The following PIK3CB variants were observed in gnomAD, a reference collection of about 807,000 sequenced individuals.
PIK3CB encodes phosphatidylinositol 4,5-bisphosphate 3-kinase catalytic subunit beta isoform.
A neutral mutation model predicts 136.8 loss-of-function variants in PIK3CB; 39 were observed. The observed-to-expected ratio is 0.29, with a 90% CI of 0.22 to 0.37. The LOEUF (loss-of-function observed/expected upper bound fraction) is 0.37. PIK3CB is among the 10% of genes least tolerant of loss of function. PIK3CB has a pLI of 1.00. For synonymous variants in PIK3CB, 428 were observed against 436.6 expected, an observed-to-expected ratio of 0.98 and a Z score of 0.25; for missense variants, 868 against 1,275.4, an observed-to-expected ratio of 0.68 and a Z score of 4.87.
At chr3:138,765,818 C>T (rs1198805544) in intron 2 of PIK3CB, among the ~76,000 whole-genome samples, 1 of 152,110 alleles carries the variant, frequency 6.6e-6, no homozygotes, top group Non-Finnish European at 1.5e-5. Flanking sequence ...CATGCCACTG[C>T]ACTCCAGCCT....
intron 19 of PIK3CB, among the ~76,000 whole-genome samples, chr3:138,672,942 A>AG: frequency 1.3e-5 from 2 of 151,178 alleles, no homozygotes; most frequent in African/African-American, 4.9e-5. Context: ...AGAGAGAGAG[A>AG]AAGAGATGAA....
chr3:138,742,241 T>C (rs932436403), intron 5 of PIK3CB, among the ~76,000 whole-genome samples: 23 of 152,332 alleles, frequency 1.5e-4, no homozygotes, highest in African/African-American at 5.3e-4. Context: ...TTCTTCTTCT[T>C]TTAAACATCC....
At chr3:138,780,845 G>T (rs1390241454) in intron 2 of PIK3CB, among the ~76,000 whole-genome samples, 14 of 151,842 alleles carry the variant, frequency 9.2e-5, no homozygotes, top group African/African-American at 2.9e-4. Context: ...ATTTTGTGGG[G>T]TTTTTTTGTT....
intron 21 of PIK3CB, among the ~76,000 whole-genome samples, chr3:138,660,635 C>T (rs2043279803): frequency 6.6e-6 from 1 of 152,126 alleles, no homozygotes; most frequent in Non-Finnish European, 1.5e-5. Flanking sequence ...TGTCTTACAA[C>T]ATGGCAACTA....
At chr3:138,753,836 C>T (rs2045517408) in intron 4 of PIK3CB, among the ~76,000 whole-genome samples, 1 of 152,058 alleles carries the variant, frequency 6.6e-6, no homozygotes, top group Admixed American at 6.6e-5. Context: ...AAGAACATGG[C>T]CTACTCTGTG....
intron 2 of PIK3CB, among the ~76,000 whole-genome samples, chr3:138,771,151 T>C (rs2045794356): frequency 1.3e-5 from 2 of 152,122 alleles, no homozygotes; most frequent in African/African-American, 4.8e-5. Flanking sequence ...GCCCCAACTG[T>C]TGATGTGTTC....
intron 2 of PIK3CB, chr3:138,777,929 C>G (rs147578627): frequency 3.6e-6 from 1 of 280,364 alleles, no homozygotes; most frequent in South Asian, 4.0e-5. Context: ...CATCAAGGAC[C>G]CCCTCATTGC....
At chr3:138,732,531 C>T (rs1263560704) in intron 8 of PIK3CB, among the ~76,000 whole-genome samples, 1 of 152,100 alleles carries the variant, frequency 6.6e-6, no homozygotes, top group Non-Finnish European at 1.5e-5. Context: ...ATTTCCTACC[C>T]AGCAAATTAG....
intron 1 of PIK3CB, among the ~76,000 whole-genome samples, chr3:138,830,954 A>AATAAT (rs1559895937): frequency 3.6e-5 from 5 of 138,628 alleles, no homozygotes; most frequent in African/African-American, 1.3e-4. Flanking sequence ...ATAATAATAA[A>AATAAT]GCAGGAACTC....
At chr3:138,713,908 T>C (rs892699264) in intron 9 of PIK3CB, among the ~76,000 whole-genome samples, 1 of 152,188 alleles carries the variant, frequency 6.6e-6, no homozygotes, top group Non-Finnish European at 1.5e-5. Flanking sequence ...GGTTTGTTCA[T>C]AGCTCATGTG....
chr3:138,683,209 C>A (rs1351422008), intron 18 of PIK3CB, among the ~76,000 whole-genome samples: 1 of 151,822 alleles, frequency 6.6e-6, no homozygotes, highest in African/African-American at 2.4e-5. Flanking sequence ...AAAAAGTGAA[C>A]CAGGTGTGGT....
chr3:138,658,447 C>T (rs1028152971), intron 21 of PIK3CB, among the ~76,000 whole-genome samples: 4 of 151,756 alleles, frequency 2.6e-5, no homozygotes, highest in African/African-American at 7.3e-5. Flanking sequence ...AAGACCCTGT[C>T]TCAACAACAA....
intron 1 of PIK3CB, among the ~76,000 whole-genome samples, chr3:138,833,764 C>G (rs997081624): frequency 1.3e-5 from 2 of 152,172 alleles, no homozygotes; most frequent in Non-Finnish European, 2.9e-5. Context: ...TGGCAGAGTT[C>G]AAGTGTCACT....
chr3:138,826,424 T>C lies in PIK3CB; in HGVS notation c.-122+8271A>G. ...TCAATCAGCCATTTAGGTTTAATAG[T>C]AAATGACTGGTTAATGATAACAATG... is the stretch of plus-strand genomic sequence containing the variant. On this transcript the variant is annotated intron_variant, in intron 1 of 23. Coordinates refer to ENST00000674063, the MANE Select transcript of PIK3CB (RefSeq NM_006219.3). 4 of 1,031,244 alleles carry C rather than the reference T, an allele frequency of 3.9e-6. No individual in the cohort carries two copies. In the South Asian group the frequency reaches 5.7e-5, roughly 15 times the overall value. The allele number at this position is 1,031,244 out of a possible 1,614,324, so 63.9% of individuals were successfully genotyped here.
chr3:138,806,265 C>A (rs929053819), intron 1 of PIK3CB, among the ~76,000 whole-genome samples: 1 of 152,096 alleles, frequency 6.6e-6, no homozygotes, highest in Non-Finnish European at 1.5e-5. Flanking sequence ...GGAGGCAGAT[C>A]ACTTGAGGTC....
intron 2 of PIK3CB, among the ~76,000 whole-genome samples, chr3:138,781,484 A>C (rs560976446): frequency 6.7e-6 from 1 of 149,662 alleles, no homozygotes; most frequent in East Asian, 2.0e-4. Context: ...ATGGAGTCCC[A>C]CTCTGTCACC....
chr3:138,829,892 G>C (rs1933946404), intron 1 of PIK3CB, among the ~76,000 whole-genome samples: 1 of 152,100 alleles, frequency 6.6e-6, no homozygotes, highest in African/African-American at 2.4e-5. Flanking sequence ...CGAAATGAAG[G>C]TGTCATGTAG....
chr3:138,822,541 TAAAAGAAAAAGA>T (rs930658916), intron 1 of PIK3CB, among the ~76,000 whole-genome samples: 1 of 149,956 alleles, frequency 6.7e-6, no homozygotes, highest in African/African-American at 2.5e-5. Context: ...GTCTCAAAAA[TAAAAGAAAAAGA>T]AAAAGAAAAT....
chr3:138,704,529 C>T (rs749153666), intron 11 of PIK3CB, 36 bp from the exon 12 acceptor site: 3 of 1,407,048 alleles, frequency 2.1e-6, no homozygotes, highest in Admixed American at 1.7e-5. Flanking sequence ...AATTTTGGCT[C>T]TCATATTTGT....
Sources: gnomAD v4.1 joint callset for allele counts (sites outside exome capture counted in the v4.1 genomes callset) on GRCh38, gnomAD v4.1.1 for gene constraint, MANE v1.5 for transcripts, NCBI Gene and HGNC (gene_info 2026-07-23, HGNC 2026-07-21) for gene names.